The following LDB2 variants were observed in gnomAD, a reference collection of about 807,000 sequenced individuals.
LDB2 encodes LIM domain-binding protein 2.
LDB2 carries 12 observed loss-of-function variants against 44.3 expected under a neutral mutation model. The observed-to-expected ratio is 0.27, with a 90% CI of 0.17 to 0.44. The LOEUF (loss-of-function observed/expected upper bound fraction) is 0.44, where lower values mean the gene tolerates loss of function less well. Among genes scored for constraint, LDB2 ranks in the 20% least tolerant of loss-of-function variants. LDB2 has a pLI of 1.00. For missense variants in LDB2, 344 were observed against 473.5 expected (o/e 0.73, Z 2.54); for synonymous variants, 164 against 174.8 (o/e 0.94, Z 0.49).
chr4:16,805,671 C>T (rs1244838828), intron 1 of LDB2, among the ~76,000 whole-genome samples: 1 of 152,178 alleles, frequency 6.6e-6, no homozygotes, highest in Non-Finnish European at 1.5e-5. Flanking sequence ...AATTGGGAAC[C>T]ACTACCTTGT....
At chr4:16,866,908 T>C (rs922746485) in intron 1 of LDB2, among the ~76,000 whole-genome samples, 4 of 152,152 alleles carry the variant, frequency 2.6e-5, no homozygotes, top group African/African-American at 9.7e-5. Flanking sequence ...TCTTACAAGG[T>C]GGTGTAGATA....
chr4:16,733,159 A>G (rs1761111418), intron 2 of LDB2, among the ~76,000 whole-genome samples: 1 of 152,212 alleles, frequency 6.6e-6, no homozygotes, highest in Non-Finnish European at 1.5e-5. Flanking sequence ...AAATCAGGTG[A>G]GGCTGCCTAC....
chr4:16,686,378 C>G (rs1749247473), intron 2 of LDB2, among the ~76,000 whole-genome samples: 1 of 152,192 alleles, frequency 6.6e-6, no homozygotes, highest in African/African-American at 2.4e-5. Flanking sequence ...TGGTATTACT[C>G]TCATTCTTAC....
chr4:16,892,389 A>C (rs753348396), intron 1 of LDB2, among the ~76,000 whole-genome samples: 18 of 152,240 alleles, frequency 1.2e-4, no homozygotes, highest in Non-Finnish European at 2.4e-4. Flanking sequence ...GTTCAAATGC[A>C]TGCTGCCAGA....
intron 3 of LDB2, among the ~76,000 whole-genome samples, chr4:16,594,844 T>C (rs952048141): frequency 5.3e-5 from 8 of 152,228 alleles, no homozygotes; most frequent in East Asian, 1.9e-4. Context: ...TAGTTTCATG[T>C]TGAGTCTTAG....
At chr4:16,704,501 C>T (rs566313262) in intron 2 of LDB2, among the ~76,000 whole-genome samples, 1 of 152,288 alleles carries the variant, frequency 6.6e-6, no homozygotes, top group East Asian at 1.9e-4. Context: ...AAGCAAGCCA[C>T]ATAAATCTCT....
intron 7 of LDB2, chr4:16,506,342 G>T (rs1484148815): frequency 5.6e-6 from 1 of 178,932 alleles, no homozygotes; most frequent in African/African-American, 2.4e-5. Flanking sequence ...TGCATAGTGT[G>T]GAGATAGTGA....
chr4:16,514,245 AAT>A (rs1722838366), intron 5 of LDB2, among the ~76,000 whole-genome samples: 1 of 152,178 alleles, frequency 6.6e-6, no homozygotes, highest in Non-Finnish European at 1.5e-5. Context: ...TGATTCAATA[AAT>A]ATGTTATACT....
At chr4:16,692,347 C>G (rs1750980612) in intron 2 of LDB2, among the ~76,000 whole-genome samples, 1 of 152,122 alleles carries the variant, frequency 6.6e-6, no homozygotes, top group African/African-American at 2.4e-5. Context: ...CTGACGTCTT[C>G]TTAAGTCCCT....
At chr4:16,690,741 T>C (rs1352350553) in intron 2 of LDB2, among the ~76,000 whole-genome samples, 1 of 152,138 alleles carries the variant, frequency 6.6e-6, no homozygotes, top group African/African-American at 2.4e-5. Flanking sequence ...TTAGAACTTC[T>C]ACCTTGAGAG....
intron 2 of LDB2, among the ~76,000 whole-genome samples, chr4:16,656,211 C>T (rs2152533058): frequency 2.0e-5 from 3 of 152,268 alleles, no homozygotes; most frequent in Middle Eastern, 3.4e-3. Flanking sequence ...AAGAAAACGT[C>T]CTTTAAAAAT....
At chr4:16,742,909 TC>T (rs1194938752) in intron 2 of LDB2, among the ~76,000 whole-genome samples, 34 of 152,164 alleles carry the variant, frequency 2.2e-4, no homozygotes, top group African/African-American at 8.0e-4. Flanking sequence ...CAAATCATAC[TC>T]ATTGCCTCTG....
chr4:16,619,589 G>C (rs1728282254), intron 2 of LDB2, among the ~76,000 whole-genome samples: 1 of 152,110 alleles, frequency 6.6e-6, no homozygotes, highest in Non-Finnish European at 1.5e-5. Flanking sequence ...TTGAAGATGA[G>C]GGATTTGCAG....
At chr4:16,821,384 T>A (rs200604429) in intron 1 of LDB2, among the ~76,000 whole-genome samples, 1 of 37,464 alleles carries the variant, frequency 2.7e-5, no homozygotes, top group Admixed American at 3.7e-4. Flanking sequence ...GAATTTTTTT[T>A]TTATTTTTTT....
intron 5 of LDB2, among the ~76,000 whole-genome samples, chr4:16,564,057 T>C (rs1743573100): frequency 6.6e-6 from 1 of 152,162 alleles, no homozygotes; most frequent in African/African-American, 2.4e-5. Context: ...CCCTCCCTCA[T>C]TCTCCTTTCT....
intron 5 of LDB2, among the ~76,000 whole-genome samples, chr4:16,520,024 A>G (rs555918923): frequency 1.3e-4 from 20 of 152,208 alleles, no homozygotes; most frequent in Admixed American, 3.9e-4. Flanking sequence ...AATCAGGCCA[A>G]TGGCACATGG....
rs193011588 is a variant in LDB2, at chr4:16,773,281, C to T, written c.133-14021G>A. ...GGTTTTTCACGGACACTCTGGGGGA[C>T]GGTTTCAGGATGATTCAAGTGCATT... On this transcript the variant is annotated intron_variant, in intron 1 of 7. Coordinates refer to ENST00000304523, the MANE Select transcript of LDB2 (RefSeq NM_001290.5). Among the ~76,000 whole-genome samples, 535 of 152,172 alleles carry T rather than the reference C, an allele frequency of 3.5e-3. 6 individuals carry two copies. The highest frequency in any genetic ancestry group is 0.012 in the African/African-American group (499 of 41,506).
chr4:16,517,712 T>C (rs141986902), intron 5 of LDB2, among the ~76,000 whole-genome samples: 55 of 152,322 alleles, frequency 3.6e-4, no homozygotes, highest in African/African-American at 1.3e-3. Flanking sequence ...AAGAAAGCCA[T>C]TGTTCATCCT....
chr4:16,869,777 G>A (rs941306310), intron 1 of LDB2, among the ~76,000 whole-genome samples: 11 of 152,166 alleles, frequency 7.2e-5, no homozygotes, highest in Non-Finnish European at 7.4e-5. Context: ...ATACCAATAC[G>A]TAGATGTTCA....
Sources: gnomAD v4.1 joint callset for allele counts (sites outside exome capture counted in the v4.1 genomes callset) on GRCh38, gnomAD v4.1.1 for gene constraint, MANE v1.5 for transcripts, NCBI Gene and HGNC (gene_info 2026-07-23, HGNC 2026-07-21) for gene names.